Variants in MGMT observed in about 807,000 individuals in gnomAD.
MGMT encodes methylated-DNA--protein-cysteine methyltransferase.
In MGMT, 14 loss-of-function variants were observed where a neutral mutation model predicts 15.9. The ratio of observed to expected loss-of-function variants is 0.88; its 90% confidence interval spans 0.58 to 1.37. The LOEUF is 1.37. Ranked by LOEUF, MGMT falls within the 40% of genes most tolerant of loss-of-function variation. The probability of loss-of-function intolerance (pLI) is 0.00; values close to 1 mark genes in which losing one functional copy is unlikely to be tolerated. For synonymous variants in MGMT, 130 were observed against 118.2 expected (o/e 1.10, Z -0.65); for missense variants, 282 against 268.1 (o/e 1.05, Z -0.36).
At chr10:129,486,772 C>A (rs1173057373) in intron 1 of MGMT, among the ~76,000 whole-genome samples, 8 of 152,172 alleles carry the variant, frequency 5.3e-5, no homozygotes, top group Non-Finnish European at 7.3e-5. Context: ...TCATTGCAGG[C>A]TTAAGTGTGT....
At chr10:129,620,070 G>A (rs375833080) in intron 2 of MGMT, among the ~76,000 whole-genome samples, 7 of 152,304 alleles carry the variant, frequency 4.6e-5, no homozygotes, top group African/African-American at 1.7e-4. Flanking sequence ...TGTCTTTGGA[G>A]GACAGAGACA....
intron 2 of MGMT, among the ~76,000 whole-genome samples, chr10:129,581,997 C>CA (rs1846561602): frequency 6.6e-6 from 1 of 152,210 alleles, no homozygotes; most frequent in Non-Finnish European, 1.5e-5. Context: ...GGAGGCTGTC[C>CA]AGGGTGTGCG....
At chr10:129,512,311 A>C (rs763498011) in intron 1 of MGMT, among the ~76,000 whole-genome samples, 3 of 152,070 alleles carry the variant, frequency 2.0e-5, no homozygotes, top group African/African-American at 4.8e-5. Context: ...ACTTCTTCCT[A>C]AGGAATTGCA....
chr10:129,485,796 G>C (rs1190330876), intron 1 of MGMT, among the ~76,000 whole-genome samples: 1 of 152,146 alleles, frequency 6.6e-6, no homozygotes, highest in Admixed American at 6.5e-5. Flanking sequence ...CAAGTTATTA[G>C]TGGACTCATA....
intron 2 of MGMT, among the ~76,000 whole-genome samples, chr10:129,587,170 G>T (rs1247271178): frequency 6.6e-6 from 1 of 151,696 alleles, no homozygotes; most frequent in African/African-American, 2.4e-5. Flanking sequence ...GTTCTTTATC[G>T]CTGGCTTTGA....
intron 3 of MGMT, among the ~76,000 whole-genome samples, chr10:129,754,096 C>T (rs533972620): frequency 1.3e-5 from 2 of 152,296 alleles, no homozygotes; most frequent in Admixed American, 6.5e-5. Context: ...TACAGCAGTT[C>T]TCAAAGTCTG....
intron 2 of MGMT, among the ~76,000 whole-genome samples, chr10:129,541,204 C>G (rs560817059): frequency 6.6e-5 from 10 of 152,302 alleles, no homozygotes; most frequent in Non-Finnish European, 1.2e-4. Context: ...TGCATAGTTA[C>G]CTTTCCCTCC....
chr10:129,537,919 GGT>G (rs1447488545), intron 2 of MGMT, among the ~76,000 whole-genome samples: 1 of 152,128 alleles, frequency 6.6e-6, no homozygotes, highest in African/African-American at 2.4e-5. Context: ...TCCCTGCCCT[GGT>G]GCTTCAAGAC....
chr10:129,571,961 AT>A (rs1254422627), intron 2 of MGMT, among the ~76,000 whole-genome samples: 1 of 152,172 alleles, frequency 6.6e-6, no homozygotes, highest in Non-Finnish European at 1.5e-5. Flanking sequence ...TTCACGGTGC[AT>A]TTTAATTGAT....
chr10:129,739,641 C>G (rs990993101), intron 3 of MGMT, among the ~76,000 whole-genome samples: 4 of 152,158 alleles, frequency 2.6e-5, no homozygotes, highest in Admixed American at 2.6e-4. Flanking sequence ...ACACCACAGT[C>G]AGATCAGAAC....
chr10:129,638,431 AAAAAAAAAAAAAAAG>A (rs1194185473), intron 2 of MGMT, among the ~76,000 whole-genome samples: 1 of 124,002 alleles, frequency 8.1e-6, no homozygotes, highest in East Asian at 2.5e-4. Flanking sequence ...CAAAGAGGCA[AAAAAAAAAAAAAAAG>A]AAAAAAAAAA....
intron 2 of MGMT, among the ~76,000 whole-genome samples, chr10:129,586,353 T>C (rs139284273): frequency 0.032 from 4,947 of 152,290 alleles, 130 homozygotes; most frequent in South Asian, 0.065. Flanking sequence ...TCAACCCGCT[T>C]TCCTTTCTCA....
chr10:129,721,364 C>T (rs12414065), intron 3 of MGMT, among the ~76,000 whole-genome samples: 1 of 152,216 alleles, frequency 6.6e-6, no homozygotes, highest in African/African-American at 2.4e-5. Flanking sequence ...TGCATGGTAT[C>T]CCATTGAGTC....
intron 2 of MGMT, among the ~76,000 whole-genome samples, chr10:129,575,988 G>C (rs1205972479): frequency 1.3e-5 from 2 of 152,210 alleles, no homozygotes; most frequent in Non-Finnish European, 2.9e-5. Flanking sequence ...AAACCAGGAA[G>C]AAGTTGAATC....
intron 1 of MGMT, among the ~76,000 whole-genome samples, chr10:129,482,804 G>A (rs970932012): frequency 6.6e-6 from 1 of 151,978 alleles, no homozygotes; most frequent in African/African-American, 2.4e-5. Context: ...TGTGTTTCTT[G>A]TAGAAAACAC....
intron 2 of MGMT, among the ~76,000 whole-genome samples, chr10:129,580,749 A>C (rs1440412511): frequency 6.6e-6 from 1 of 152,216 alleles, no homozygotes; most frequent in Non-Finnish European, 1.5e-5. Context: ...CCCCGTGACC[A>C]TGGATGCCCC....
chr10:129,505,390 CAT>C, intron 1 of MGMT, among the ~76,000 whole-genome samples: 1 of 152,126 alleles, frequency 6.6e-6, no homozygotes, highest in East Asian at 1.9e-4. Flanking sequence ...GGGCTGACAA[CAT>C]ATCAAATACC....
chr10:129,513,609 C>G (rs1016087650), intron 1 of MGMT, among the ~76,000 whole-genome samples: 3 of 152,138 alleles, frequency 2.0e-5, no homozygotes, highest in South Asian at 4.1e-4. Context: ...CTCTTCAGAG[C>G]CTCGGGGACC....
chr10:129,618,855 T>C (rs1249041690), intron 2 of MGMT, among the ~76,000 whole-genome samples: 1 of 87,560 alleles, frequency 1.1e-5, no homozygotes, highest in Non-Finnish European at 2.9e-5. Context: ...GTGAGTTTGC[T>C]GAACAAATTT....
Sources: gnomAD v4.1 joint callset for allele counts (sites outside exome capture counted in the v4.1 genomes callset) on GRCh38, gnomAD v4.1.1 for gene constraint, MANE v1.5 for transcripts, NCBI Gene and HGNC (gene_info 2026-07-23, HGNC 2026-07-21) for gene names.